Variants in EPHA3 observed in about 807,000 individuals in gnomAD.
EPHA3 encodes the protein ephrin type-A receptor 3.
EPHA3 carries 42 observed loss-of-function variants against 107.1 expected under a neutral mutation model. That is an observed-to-expected ratio of 0.39 (90% confidence interval 0.31 to 0.51). The LOEUF (loss-of-function observed/expected upper bound fraction) is 0.51, where lower values mean the gene tolerates loss of function less well. Among genes scored for constraint, EPHA3 ranks in the 20% least tolerant of loss-of-function variants. EPHA3 has a pLI of 0.78. For missense variants in EPHA3, 1,183 were observed against 1,211.2 expected (o/e 0.98, Z 0.35); for synonymous variants, 461 against 424.8 (o/e 1.09, Z -1.05).
At chr3:89,162,395 T>C (rs1357595199) in intron 2 of EPHA3, among the ~76,000 whole-genome samples, 1 of 152,204 alleles carries the variant, frequency 6.6e-6, no homozygotes. Context: ...GATGTTAGTT[T>C]TATGCAAAAG....
intron 3 of EPHA3, among the ~76,000 whole-genome samples, chr3:89,220,647 G>A (rs891020891): frequency 6.6e-6 from 1 of 152,132 alleles, no homozygotes; most frequent in African/African-American, 2.4e-5. Context: ...CTGTTACAGA[G>A]TTAGTTTCCT....
Position 89,221,277 on chromosome 3 carries a change from C to G in EPHA3, c.814+10757C>G, listed in dbSNP as rs143984139. Among the ~76,000 whole-genome samples the G allele has an allele frequency of 1.9e-3, 293 of 152,262 alleles. 1 individual carries two copies. Among genetic ancestry groups the G allele is most frequent in the African/African-American group, 6.6e-3 (276 of 41,552 alleles). ...TGGGACCAATCACGGACATTTACTT[C>G]TGACTCCAAGGGTGGGAGTGATTGT... On this transcript the variant is annotated intron_variant, in intron 3 of 16. Coordinates refer to ENST00000336596, the MANE Select transcript of EPHA3 (RefSeq NM_005233.6).
chr3:89,110,198 A>G (rs1328203526), intron 1 of EPHA3, among the ~76,000 whole-genome samples: 1 of 151,986 alleles, frequency 6.6e-6, no homozygotes, highest in East Asian at 1.9e-4. Context: ...ATTATGATTG[A>G]AATATTTCAA....
At chr3:89,340,397 G>T (rs774264687) in intron 3 of EPHA3, among the ~76,000 whole-genome samples, 21 of 152,152 alleles carry the variant, frequency 1.4e-4, no homozygotes, top group Non-Finnish European at 2.1e-4. Flanking sequence ...AAATATTGTA[G>T]CTCATGAAAA....
chr3:89,139,199 T>C (rs1704376134), intron 2 of EPHA3, among the ~76,000 whole-genome samples: 1 of 151,862 alleles, frequency 6.6e-6, no homozygotes, highest in African/African-American at 2.4e-5. Flanking sequence ...AGAGATGCAA[T>C]GCAATGTTTT....
At chr3:89,200,261 C>T (rs960377044) in intron 2 of EPHA3, among the ~76,000 whole-genome samples, 2 of 152,026 alleles carry the variant, frequency 1.3e-5, no homozygotes, top group African/African-American at 4.8e-5. Flanking sequence ...ATACACGTAC[C>T]TTGTCTCTTT....
chr3:89,211,057 A>G (rs1168706900), intron 3 of EPHA3, among the ~76,000 whole-genome samples: 3 of 152,198 alleles, frequency 2.0e-5, no homozygotes, highest in South Asian at 2.1e-4. Context: ...TTTGATTTAA[A>G]AATCCAGAGC....
At chr3:89,134,905 AC>A (rs1456646824) in intron 2 of EPHA3, among the ~76,000 whole-genome samples, 2 of 152,204 alleles carry the variant, frequency 1.3e-5, no homozygotes, top group Non-Finnish European at 2.9e-5. Context: ...TATAAAACAA[AC>A]AGCAAATAAT....
chr3:89,184,347 G>A (rs2107126061), intron 2 of EPHA3, among the ~76,000 whole-genome samples: 1 of 152,094 alleles, frequency 6.6e-6, no homozygotes, highest in African/African-American at 2.4e-5. Flanking sequence ...CCAAGTTACA[G>A]GGATTTCTTG....
At chr3:89,140,314 T>C (rs1405551957) in intron 2 of EPHA3, among the ~76,000 whole-genome samples, 1 of 151,868 alleles carries the variant, frequency 6.6e-6, no homozygotes, top group East Asian at 1.9e-4. Flanking sequence ...AAAATTAGTA[T>C]ATCATTTTCC....
intron 3 of EPHA3, among the ~76,000 whole-genome samples, chr3:89,219,925 G>A (rs1033360288): frequency 2.2e-4 from 33 of 148,824 alleles, no homozygotes; most frequent in Non-Finnish European, 4.2e-4. Context: ...AGCCGGGATG[G>A]TCTCGATCTC....
chr3:89,434,498 G>A (rs1211886968), intron 13 of EPHA3, among the ~76,000 whole-genome samples: 1 of 152,142 alleles, frequency 6.6e-6, no homozygotes, highest in Non-Finnish European at 1.5e-5. Flanking sequence ...GATTACAGGC[G>A]TGAGCCACTG....
chr3:89,261,974 A>G (rs1377100696), intron 3 of EPHA3, among the ~76,000 whole-genome samples: 1 of 152,018 alleles, frequency 6.6e-6, no homozygotes, highest in African/African-American at 2.4e-5. Context: ...TTAGTAAAAT[A>G]TTGATATTAT....
intron 13 of EPHA3, among the ~76,000 whole-genome samples, chr3:89,431,761 A>G (rs1709574405): frequency 6.6e-6 from 1 of 152,124 alleles, no homozygotes; most frequent in Non-Finnish European, 1.5e-5. Context: ...AATAAGTAAT[A>G]CCTATTTATA....
chr3:89,373,527 C>G (rs1708346522), intron 5 of EPHA3, among the ~76,000 whole-genome samples: 2 of 151,796 alleles, frequency 1.3e-5, no homozygotes, highest in South Asian at 4.1e-4. Flanking sequence ...CTTAGAGAGT[C>G]AGAAACAGAA....
At chr3:89,185,362 C>T (rs1705539110) in intron 2 of EPHA3, among the ~76,000 whole-genome samples, 1 of 151,788 alleles carries the variant, frequency 6.6e-6, no homozygotes, top group Non-Finnish European at 1.5e-5. Flanking sequence ...CCTGTTGGGG[C>T]TGAATTAAGC....
intron 13 of EPHA3, among the ~76,000 whole-genome samples, chr3:89,440,393 C>G (rs1233442392): frequency 6.6e-6 from 1 of 152,142 alleles, no homozygotes; most frequent in Non-Finnish European, 1.5e-5. Flanking sequence ...AACCAGCAAA[C>G]CTTTCCTAAA....
At chr3:89,335,061 TA>T (rs1177374561) in intron 3 of EPHA3, among the ~76,000 whole-genome samples, 3 of 152,220 alleles carry the variant, frequency 2.0e-5, no homozygotes, top group Non-Finnish European at 4.4e-5. Flanking sequence ...ATCTCCTTTT[TA>T]AAAGCTGGGA....
chr3:89,175,768 C>T (rs1705308137), intron 2 of EPHA3, among the ~76,000 whole-genome samples: 1 of 152,062 alleles, frequency 6.6e-6, no homozygotes, highest in Non-Finnish European at 1.5e-5. Context: ...GGTTTCTGAA[C>T]CATGCCTGCG....
Sources: allele counts gnomAD v4.1 joint callset (sites outside exome capture counted in the v4.1 genomes callset), GRCh38; gene constraint gnomAD v4.1.1; transcripts MANE v1.5; gene names NCBI Gene and HGNC (gene_info 2026-07-23, HGNC 2026-07-21).